Variants in DNAJC6 observed in about 807,000 individuals in gnomAD.
DNAJC6 encodes the protein DnaJ heat shock protein family (Hsp40) member C6.
DNAJC6 carries 34 observed loss-of-function variants against 110.0 expected under a neutral mutation model. The ratio of observed to expected loss-of-function variants is 0.31; its 90% CI spans 0.24 to 0.41. The LOEUF (loss-of-function observed/expected upper bound fraction) is 0.41, where lower values mean the gene tolerates loss of function less well. DNAJC6 is among the 10% of genes least tolerant of loss of function. The probability of loss-of-function intolerance (pLI) is 1.00; values close to 1 mark genes in which losing one functional copy is unlikely to be tolerated. For synonymous variants in DNAJC6, 406 were observed against 437.2 expected, an observed-to-expected ratio of 0.93 and a Z score of 0.89; for missense variants, 1,031 against 1,207.8, an observed-to-expected ratio of 0.85 and a Z score of 2.17.
At chr1:65,322,247 C>G (rs982083978) in intron 1 of DNAJC6, among the ~76,000 whole-genome samples, 1 of 152,134 alleles carries the variant, frequency 6.6e-6, no homozygotes, top group African/African-American at 2.4e-5. Flanking sequence ...TAGTTTATAG[C>G]AGTGATACAG....
intron 1 of DNAJC6, among the ~76,000 whole-genome samples, chr1:65,319,848 C>T (rs956055905): frequency 2.6e-5 from 4 of 152,084 alleles, no homozygotes; most frequent in Non-Finnish European, 4.4e-5. Context: ...CTTTCTCTTT[C>T]CCACCCATCT....
intron 1 of DNAJC6, among the ~76,000 whole-genome samples, chr1:65,299,906 G>T (rs867701681): frequency 1.3e-5 from 2 of 151,976 alleles, no homozygotes; most frequent in Non-Finnish European, 2.9e-5. Context: ...AAAAGAATTA[G>T]CTGGGCATGG....
At chr1:65,314,594 T>C (rs1302958767) in intron 1 of DNAJC6, among the ~76,000 whole-genome samples, 1 of 152,174 alleles carries the variant, frequency 6.6e-6, no homozygotes, top group Non-Finnish European at 1.5e-5. Flanking sequence ...GTTCAAGCAA[T>C]TCCCCTGCCT....
intron 1 of DNAJC6, among the ~76,000 whole-genome samples, chr1:65,280,419 G>T (rs1412983906): frequency 2.0e-5 from 3 of 151,946 alleles, no homozygotes; most frequent in African/African-American, 4.8e-5. Context: ...TAATAACTGG[G>T]CCTTCAGTTA....
intron 15 of DNAJC6, among the ~76,000 whole-genome samples, chr1:65,402,216 A>T (rs1246157751): frequency 6.6e-6 from 1 of 152,228 alleles, no homozygotes; most frequent in Non-Finnish European, 1.5e-5. Context: ...AGGGCTGGTC[A>T]GATGGATTTG....
intron 12 of DNAJC6, among the ~76,000 whole-genome samples, chr1:65,393,958 T>G (rs1350180226): frequency 1.3e-5 from 2 of 152,166 alleles, no homozygotes; most frequent in Non-Finnish European, 2.9e-5. Flanking sequence ...TGTTAGCTAT[T>G]GGTGGACCCA....
At chr1:65,302,417 A>G (rs1373851538) in intron 1 of DNAJC6, among the ~76,000 whole-genome samples, 2 of 149,360 alleles carry the variant, frequency 1.3e-5, no homozygotes, top group Admixed American at 6.7e-5. Flanking sequence ...TGATTAGGCC[A>G]TAAGGGGTCC....
At chr1:65,364,966 G>A (rs1347605600) in intron 2 of DNAJC6, among the ~76,000 whole-genome samples, 181 bp downstream of exon 2, 1 of 152,080 alleles carries the variant, frequency 6.6e-6, no homozygotes, top group Non-Finnish European at 1.5e-5. Flanking sequence ...TATAAGCACG[G>A]GCTGGGAGGA....
upstream of DNAJC6, among the ~76,000 whole-genome samples, chr1:65,307,453 G>T (rs1236107295): frequency 6.6e-6 from 1 of 152,058 alleles, no homozygotes; most frequent in Non-Finnish European, 1.5e-5. Context: ...CAATATGTCT[G>T]CAAGTTGAGC....
chr1:65,371,543 G>A (rs1017436938), intron 4 of DNAJC6, among the ~76,000 whole-genome samples: 1 of 152,140 alleles, frequency 6.6e-6, no homozygotes, highest in African/African-American at 2.4e-5. Flanking sequence ...TCCAAAAATG[G>A]TGTGTGATTC....
At chr1:65,335,124 C>G (rs199893265) in intron 1 of DNAJC6, among the ~76,000 whole-genome samples, 1 of 114,302 alleles carries the variant, frequency 8.7e-6, no homozygotes, top group Non-Finnish European at 1.8e-5. Flanking sequence ...TTTTTTTTTT[C>G]TTTAAACAGA....
At chr1:65,405,316 T>A (rs1646064501) in intron 15 of DNAJC6, among the ~76,000 whole-genome samples, 1 of 152,238 alleles carries the variant, frequency 6.6e-6, no homozygotes, top group Admixed American at 6.5e-5. Context: ...AACCTACTTG[T>A]GAAATTTCAA....
At chr1:65,289,854 G>C (rs1323957771) in intron 1 of DNAJC6, among the ~76,000 whole-genome samples, 1 of 150,470 alleles carries the variant, frequency 6.6e-6, no homozygotes, top group Non-Finnish European at 1.5e-5. Context: ...ATGTTGCCCA[G>C]GCTGAGATGC....
intron 4 of DNAJC6, among the ~76,000 whole-genome samples, chr1:65,377,705 G>A (rs1557550183): frequency 6.6e-6 from 1 of 152,146 alleles, no homozygotes; most frequent in Admixed American, 6.5e-5. Flanking sequence ...CAATGTGTTT[G>A]CTTTTAGACG....
intron 8 of DNAJC6, among the ~76,000 whole-genome samples, chr1:65,387,205 C>A (rs1645881463): frequency 6.6e-6 from 1 of 152,158 alleles, no homozygotes; most frequent in South Asian, 2.1e-4. Context: ...GAAGCCTGTG[C>A]TTTTCTTATA....
chr1:65,353,007 CTT>C (rs1194576903), intron 1 of DNAJC6, among the ~76,000 whole-genome samples: 1 of 152,118 alleles, frequency 6.6e-6, no homozygotes, highest in Non-Finnish European at 1.5e-5. Flanking sequence ...ATTTTTTTCT[CTT>C]TGCAGTTTTC....
intron 1 of DNAJC6, among the ~76,000 whole-genome samples, chr1:65,283,578 C>T (rs1653919587): frequency 6.6e-6 from 1 of 152,042 alleles, no homozygotes; most frequent in Admixed American, 6.6e-5. Context: ...GGGTGGTTTC[C>T]AATTCTTAGC....
intron 5 of DNAJC6, among the ~76,000 whole-genome samples, chr1:65,382,851 A>G (rs534847641): frequency 1.3e-5 from 2 of 152,378 alleles, no homozygotes; most frequent in African/African-American, 4.8e-5. Context: ...GAATTTGTTT[A>G]GAAGAAATGT....
intron 8 of DNAJC6, among the ~76,000 whole-genome samples, chr1:65,387,530 A>G (rs1645884630): frequency 6.6e-6 from 1 of 152,146 alleles, no homozygotes. Context: ...GGGACATTTT[A>G]TTTAATGGAA....
Sources: allele counts gnomAD v4.1 joint callset (sites outside exome capture counted in the v4.1 genomes callset), GRCh38; gene constraint gnomAD v4.1.1; transcripts MANE v1.5; gene names NCBI Gene and HGNC (gene_info 2026-07-23, HGNC 2026-07-21).